GRIP2: variants seen among roughly 807,000 people sequenced by gnomAD.
The protein encoded by GRIP2 is glutamate receptor interacting protein 2, also known as glutamate receptor-interacting protein 2.
In GRIP2, 58 loss-of-function variants were observed where a neutral mutation model predicts 108.3. The observed-to-expected ratio is 0.54, with a 90% CI of 0.43 to 0.67. The LOEUF (loss-of-function observed/expected upper bound fraction) is 0.67. GRIP2 is among the 30% of genes least tolerant of loss of function. The probability of loss-of-function intolerance (pLI) is 0.00; values close to 1 mark genes in which losing one functional copy is unlikely to be tolerated. For missense variants in GRIP2, 1,278 were observed against 1,430.6 expected (o/e 0.89, Z 1.72); for synonymous variants, 586 against 598.2 (o/e 0.98, Z 0.30).
At chr3:14,599,681 C>CTG in the GRIP2 span, among the ~76,000 whole-genome samples, 14,842 of 129,754 alleles carry the variant, frequency 0.11, 740 homozygotes, top group Middle Eastern at 0.21. Context: ...CTCTCTCTCT[C>CTG]TCTCTGTGTG....
At chr3:14,524,782 G>A (rs1184908360) in intron 3 of GRIP2, among the ~76,000 whole-genome samples, 1 of 152,134 alleles carries the variant, frequency 6.6e-6, no homozygotes, top group East Asian at 1.9e-4. Flanking sequence ...CCTTCTGCAG[G>A]GGTGTCTCAG....
rs1701351238 is a variant in GRIP2, at chr3:14,492,156, G to A, written c.*1509C>T. The A allele has an allele frequency of 6.6e-6, 1 of 152,526 alleles. No individual in the cohort carries two copies. The highest frequency in any genetic ancestry group is 2.4e-5 in the African/African-American group (1 of 41,476). The allele number at this position is 152,526 out of a possible 1,614,324, so 9.4% of individuals were successfully genotyped here. A position where few individuals can be genotyped will look rare whatever the true frequency, so the allele number is the denominator to read the frequency against. ...CCACCCGTGATCGTCCAGAGGGGCT[G>A]GGGGTCCAACCCAGACAGGGTCACA... On this transcript the variant is annotated 3_prime_UTR_variant, in exon 24 of 24. Transcript: ENST00000621039.
chr3:14,558,542 A>C (rs1274266689), upstream of GRIP2, among the ~76,000 whole-genome samples: 1 of 152,126 alleles, frequency 6.6e-6, no homozygotes, highest in Admixed American at 6.5e-5. Flanking sequence ...AATAAGTAAT[A>C]AATAAATAAG....
chr3:14,507,359 G>A lies in GRIP2; in HGVS notation c.2218+202C>T, dbSNP rs897376527. On this transcript the variant is annotated intron_variant, in intron 18 of 23. Coordinates refer to ENST00000621039, the MANE Select transcript of GRIP2 (RefSeq NM_001080423.4). The surrounding 1 kb of genome is among the most constrained non-coding windows in gnomAD (Gnocchi z 4.6). ...AGGAAGTAATGAAGAACAGGGCTCA[G>A]ACCCAGATTCTGCCCCGTGCCCACT... Among the ~76,000 whole-genome samples, 3 of 152,240 alleles carry A rather than the reference G, an allele frequency of 2.0e-5. No individual in the cohort carries two copies. The highest frequency in any genetic ancestry group is 7.2e-5 in the African/African-American group (3 of 41,458).
chr3:14,514,538 G>C, intron 11 of GRIP2, 60 bp from the exon 12 acceptor site: 3 of 1,467,418 alleles, frequency 2.0e-6, no homozygotes, highest in Non-Finnish European at 2.7e-6. Flanking sequence ...TTCCTGCCAG[G>C]GCCTGCCCAT....
At chr3:14,571,929 A>G in the GRIP2 span, among the ~76,000 whole-genome samples, 1 of 152,238 alleles carries the variant, frequency 6.6e-6, no homozygotes, top group Non-Finnish European at 1.5e-5. Flanking sequence ...GTTGTGGAGC[A>G]ACTGGAACTC....
At chr3:14,500,715 C>G (rs367700519) in intron 21 of GRIP2, among the ~76,000 whole-genome samples, 10 of 152,038 alleles carry the variant, frequency 6.6e-5, no homozygotes, top group Non-Finnish European at 1.5e-4. Flanking sequence ...GAGCCTAAAG[C>G]AGTTTACCAC....
In GRIP2 at chr3:14,536,719, C is replaced by T. The variant is rs183036385; in HGVS notation, c.40+3550G>A. Among the ~76,000 whole-genome samples, 546 of 152,328 alleles carry T rather than the reference C, an allele frequency of 3.6e-3. 1 individual carries two copies. The highest frequency in any genetic ancestry group is 5.4e-3 in the South Asian group (26 of 4,828). On this transcript the variant is annotated intron_variant, in intron 1 of 23. Transcript: ENST00000621039. ...CTTCTGCGTTCTGGGTCCTGCTCTC[C>T]TGCCCTACTCTAAAACCAGCAATGT...
the GRIP2 span, among the ~76,000 whole-genome samples, chr3:14,568,172 G>T: frequency 1.3e-5 from 2 of 152,192 alleles, no homozygotes; most frequent in African/African-American, 2.4e-5. Context: ...GGGTGTTGAA[G>T]AGAGGAGGGA....
chr3:14,589,707 G>A, the GRIP2 span, among the ~76,000 whole-genome samples: 7 of 151,282 alleles, frequency 4.6e-5, no homozygotes, highest in East Asian at 9.7e-4. Flanking sequence ...TAACCTCCAC[G>A]ATAGCACTAC....
chr3:14,525,611 G>C, intron 2 of GRIP2, 39 bp from the exon 3 acceptor site: 1 of 1,611,808 alleles, frequency 6.2e-7, no homozygotes, highest in Non-Finnish European at 8.5e-7. Flanking sequence ...GCGGGCAGCT[G>C]GGGCCACCCC....
rs920549699 is a variant in GRIP2, at chr3:14,512,129, G to A, written c.1720+648C>T. ...GAGGTAGGGAAGAGGCCAGAGGAAC[G>A]GTCTCAGATGCAAAGGCCCAGAGGC... On this transcript the variant is annotated intron_variant, in intron 14 of 23. Coordinates refer to ENST00000621039, the MANE Select transcript of GRIP2 (RefSeq NM_001080423.4). This position sits in a 1 kb window ranked among gnomAD's most constrained non-coding sequence, Gnocchi z 5.1. Among the ~76,000 whole-genome samples, 20 of 152,148 alleles carry A rather than the reference G, an allele frequency of 1.3e-4. No homozygotes were observed. The highest frequency in any genetic ancestry group is 4.6e-4 in the African/African-American group (19 of 41,418).
upstream of GRIP2, among the ~76,000 whole-genome samples, chr3:14,542,951 G>A (rs771178270): frequency 6.6e-6 from 1 of 152,198 alleles, no homozygotes; most frequent in Non-Finnish European, 1.5e-5. Flanking sequence ...ACTGCTATGG[G>A]CCTCAGGATT....
At chr3:14,597,913 G>A in the GRIP2 span, among the ~76,000 whole-genome samples, 1 of 152,166 alleles carries the variant, frequency 6.6e-6, no homozygotes, top group Non-Finnish European at 1.5e-5. Context: ...ATCAGCTCCG[G>A]TGTTGACACT....
At chr3:14,562,956 C>T in the GRIP2 span, among the ~76,000 whole-genome samples, 8 of 151,836 alleles carry the variant, frequency 5.3e-5, no homozygotes, top group East Asian at 1.9e-4. Flanking sequence ...AATGATACCA[C>T]GAGAACATTC....
At chr3:14,528,242 T>G (rs1455441830) in intron 1 of GRIP2, among the ~76,000 whole-genome samples, 1 of 152,248 alleles carries the variant, frequency 6.6e-6, no homozygotes, top group African/African-American at 2.4e-5. Context: ...ATCAGTAGTT[T>G]GCATCTTTTT....
At chr3:14,495,114 A>C (rs2124828665) in intron 22 of GRIP2, 125 bp from the exon 23 acceptor site, 7 of 1,252,624 alleles carry the variant, frequency 5.6e-6, no homozygotes, top group East Asian at 2.4e-5. Flanking sequence ...AGGCTGCAGC[A>C]CCCCAGCCTC....
chr3:14,510,416 C>T (rs2124883303), intron 16 of GRIP2, among the ~76,000 whole-genome samples: 1 of 152,020 alleles, frequency 6.6e-6, no homozygotes, highest in East Asian at 1.9e-4. Flanking sequence ...AGGCATGCAC[C>T]ACCAGACCCA....
the GRIP2 span, among the ~76,000 whole-genome samples, chr3:14,594,354 G>A: frequency 6.6e-6 from 1 of 152,236 alleles, no homozygotes; most frequent in Non-Finnish European, 1.5e-5. Context: ...AGATGCCCCA[G>A]GAGGAAGAGC....
Sources: gnomAD v4.1 joint callset for allele counts (sites outside exome capture counted in the v4.1 genomes callset) on GRCh38, gnomAD v4.1.1 for gene constraint, Gnocchi (gnomAD v3.1) non-coding constraint, MANE v1.5 for transcripts, NCBI Gene and HGNC (gene_info 2026-07-23, HGNC 2026-07-21) for gene names.